Variants in SMARCA1 observed in about 807,000 individuals in gnomAD.
SMARCA1 encodes SWI/SNF-related matrix-associated actin-dependent regulator of chromatin subfamily A member 1.
Under a neutral mutation model 93.6 loss-of-function variants are expected in SMARCA1, and 17 were observed. The ratio of observed to expected loss-of-function variants is 0.18; its 90% CI spans 0.12 to 0.27. SMARCA1 has a LOEUF of 0.27. Among genes scored for constraint, SMARCA1 ranks in the 10% least tolerant of loss-of-function variants. SMARCA1 has a pLI of 1.00. For missense variants in SMARCA1, 630 were observed against 819.0 expected (o/e 0.77, Z 2.82); for synonymous variants, 271 against 271.4 (o/e 1.00, Z 0.01).
chrX:129,514,808 G>A (rs1452077767), intron 5 of SMARCA1, among the ~76,000 whole-genome samples: 1 of 111,689 alleles, frequency 9.0e-6, no homozygotes, highest in African/African-American at 3.3e-5. Flanking sequence ...CCAGCACTCT[G>A]GGAGGCCGAA....
At position 129,465,661 on chromosome X, in the gene SMARCA1, A is replaced by C; in HGVS notation, c.2889T>G (p.Thr963=). Residue 963 remains threonine, a synonymous_variant, in exon 23 of 25, where the codon ACT becomes ACG. Coordinates refer to ENST00000371121, the MANE Select transcript of SMARCA1 (RefSeq NM_001282874.2). ...QYGTSKGKNY[T]EEEDRFLICM... ...AAATCAAGAATCTATCTTCTTCCTC[A>C]GTATAGTTCTTTCCTTTGCTGGTTC... 1 of 1,201,157 alleles carries C rather than the reference A, an allele frequency of 8.3e-7. No individual in the cohort carries two copies. The highest frequency in any genetic ancestry group is 3.0e-5 in the East Asian group (1 of 33,759).
At chrX:129,468,081 C>CT (rs1172288409) in intron 21 of SMARCA1, among the ~76,000 whole-genome samples, 1 of 112,348 alleles carries the variant, frequency 8.9e-6, no homozygotes, top group African/African-American at 3.2e-5. Context: ...CACCAAAGCG[C>CT]TGCGCCCTCT....
intron 23 of SMARCA1, among the ~76,000 whole-genome samples, chrX:129,458,879 A>G (rs1182536059): frequency 8.9e-6 from 1 of 111,869 alleles, no homozygotes; most frequent in Non-Finnish European, 1.9e-5. Flanking sequence ...CAAAATGGAC[A>G]TTGCTTCACC....
At chrX:129,495,856 T>G (rs1167602951) in intron 12 of SMARCA1, among the ~76,000 whole-genome samples, 1 of 105,280 alleles carries the variant, frequency 9.5e-6, no homozygotes, top group Admixed American at 1.0e-4. Flanking sequence ...CAATGCAACC[T>G]CCGCCTCCCA....
In SMARCA1 at chrX:129,499,833, T is replaced by C. The variant is rs1934484321; in HGVS notation, c.1176A>G (p.Lys392=). Residue 392 remains lysine (K), a synonymous_variant, in exon 10 of 25, where the codon AAA becomes AAG. Transcript: ENST00000371121. Reference sequence around the variant, plus strand: ...TTTTTATACGGCGTAACAAAAATGGTTTTAAAACCTAAAAGGTGATCATTT... The same window carrying C: ...TTTTTATACGGCGTAACAAAAATGGCTTTAAAACCTAAAAGGTGATCATTT... ...KLVERLHAVL[K]PFLLRRIKTD... The C allele has an allele frequency of 1.2e-5, 13 of 1,043,637 alleles. No individual in the cohort carries two copies. In the African/African-American group the frequency reaches 1.7e-4, roughly 13 times the overall value. The allele number at this position is 1,043,637 out of a possible 1,213,427, so 86.0% of individuals were successfully genotyped here.
chrX:129,516,045 T>C (rs1263404800), intron 3 of SMARCA1, 51 bp from the exon 4 acceptor site: 13 of 895,047 alleles, frequency 1.5e-5, no homozygotes, highest in Non-Finnish European at 1.9e-5. Flanking sequence ...TGATAAGGTA[T>C]CAATTAAATC....
intron 19 of SMARCA1, among the ~76,000 whole-genome samples, chrX:129,475,252 C>CACTTTGGGA (rs1933323067): frequency 9.1e-6 from 1 of 110,124 alleles, no homozygotes; most frequent in Non-Finnish European, 1.9e-5. Context: ...GGCACGGTGG[C>CACTTTGGGA]TCACACTTGT....
chrX:129,469,350 G>T, intron 20 of SMARCA1, among the ~76,000 whole-genome samples: 1 of 109,282 alleles, frequency 9.2e-6, no homozygotes, highest in East Asian at 2.9e-4. Flanking sequence ...AAAAAAAATT[G>T]TAGCTCTTTA....
chrX:129,516,595 A>G, intron 2 of SMARCA1, 98 bp from the exon 3 acceptor site: 1 of 692,587 alleles, frequency 1.4e-6, no homozygotes, highest in South Asian at 2.8e-5. Context: ...TAGCACTTGA[A>G]ACATTAATCC....
chrX:129,505,831 T>C (rs1462940433), intron 8 of SMARCA1, among the ~76,000 whole-genome samples: 1 of 111,352 alleles, frequency 9.0e-6, no homozygotes. Flanking sequence ...CCTCACATCA[T>C]AAGTTTTAGG....
chrX:129,497,025 C>A (rs934117380), intron 11 of SMARCA1, among the ~76,000 whole-genome samples, 154 bp from the exon 12 acceptor site: 23 of 110,299 alleles, frequency 2.1e-4, no homozygotes, highest in Middle Eastern at 4.6e-3. Flanking sequence ...ACACACACCC[C>A]CACACACCTT....
At chrX:129,478,092 T>C (rs1200365988) in intron 19 of SMARCA1, among the ~76,000 whole-genome samples, 1 of 111,913 alleles carries the variant, frequency 8.9e-6, no homozygotes, top group Non-Finnish European at 1.9e-5. Context: ...TCAGCTTAAA[T>C]GACATTTCCT....
At chrX:129,471,429 A>G in intron 19 of SMARCA1, 103 bp from the exon 20 acceptor site, 1 of 515,457 alleles carries the variant, frequency 1.9e-6, no homozygotes, top group Non-Finnish European at 3.0e-6. Flanking sequence ...AGAGTAAACA[A>G]TATAAAATCA....
intron 5 of SMARCA1, among the ~76,000 whole-genome samples, chrX:129,512,592 C>T (rs1361972869): frequency 9.0e-6 from 1 of 111,685 alleles, no homozygotes; most frequent in African/African-American, 3.3e-5. Context: ...TGAACCCATA[C>T]CTAACCCATA....
At chrX:129,479,972 A>G (rs1734681894) in intron 19 of SMARCA1, among the ~76,000 whole-genome samples, 1 of 112,028 alleles carries the variant, frequency 8.9e-6, no homozygotes, top group Non-Finnish European at 1.9e-5. Context: ...TGCTGGGATT[A>G]CAGGCATGAG....
intron 23 of SMARCA1, among the ~76,000 whole-genome samples, chrX:129,453,302 T>C (rs752436168): frequency 3.6e-5 from 4 of 111,426 alleles, no homozygotes; most frequent in African/African-American, 1.3e-4. Context: ...ACTAGCCAAG[T>C]TGTGAATGCA....
intron 19 of SMARCA1, among the ~76,000 whole-genome samples, chrX:129,476,740 A>G (rs1288053816): frequency 1.8e-5 from 2 of 112,001 alleles, no homozygotes; most frequent in Non-Finnish European, 3.8e-5. Flanking sequence ...TGTGGCCCTG[A>G]TGAGTTTTCT....
chrX:129,482,254 C>T (rs1454205357), intron 17 of SMARCA1, among the ~76,000 whole-genome samples: 3 of 101,760 alleles, frequency 2.9e-5, no homozygotes, highest in African/African-American at 7.3e-5. Flanking sequence ...GTGGGTGCAG[C>T]GCACCAGCAT....
intron 17 of SMARCA1, among the ~76,000 whole-genome samples, chrX:129,482,849 A>T (rs979281717): frequency 8.9e-6 from 1 of 111,779 alleles, no homozygotes; most frequent in Non-Finnish European, 1.9e-5. Context: ...AAAAGGGGGC[A>T]TTAATCCACC....
Sources: gnomAD v4.1 joint callset for allele counts (sites outside exome capture counted in the v4.1 genomes callset) on GRCh38, gnomAD v4.1.1 for gene constraint, MANE v1.5 for transcripts, NCBI Gene and HGNC (gene_info 2026-07-23, HGNC 2026-07-21) for gene names.